The following NEO1 variants were observed in gnomAD, a reference collection of about 807,000 sequenced individuals.
NEO1 encodes the protein neogenin.
In NEO1, 63 loss-of-function variants were observed where a neutral mutation model predicts 159.7. That is an observed-to-expected ratio of 0.39 (90% CI 0.32 to 0.49). NEO1 has a LOEUF of 0.49. Among genes scored for constraint, NEO1 ranks in the 20% least tolerant of loss-of-function variants. The pLI, the probability that NEO1 is intolerant of heterozygous loss-of-function variation, is 0.85. For synonymous variants in NEO1, 633 were observed against 662.0 expected, an observed-to-expected ratio of 0.96 and a Z score of 0.67; for missense variants, 1,615 against 1,831.0, an observed-to-expected ratio of 0.88 and a Z score of 2.15.
At chr15:73,228,236 A>T (rs552587726) in intron 7 of NEO1, among the ~76,000 whole-genome samples, 31 of 152,250 alleles carry the variant, frequency 2.0e-4, no homozygotes, top group African/African-American at 7.2e-4. Flanking sequence ...CATGTAGTAA[A>T]AACCTTTGTT....
rs369119920 is a variant in NEO1 at position 73,278,212 on chromosome 15, C to T, written c.3262+13C>T. 39 of 1,608,274 alleles carry T rather than the reference C, an allele frequency of 2.4e-5. No individual in the cohort carries two copies. The highest frequency in any genetic ancestry group is 3.2e-5 in the Non-Finnish European group (38 of 1,176,182). On this transcript the variant is annotated intron_variant, in intron 22 of 28. Transcript: ENST00000261908. Reference sequence around the variant, plus strand: ...CCTCCAATGAGCGGTAAAGCCTTTCCCATGGCGTTTTTTGCTTACTATGGA... The same window carrying T: ...CCTCCAATGAGCGGTAAAGCCTTTCTCATGGCGTTTTTTGCTTACTATGGA...
intron 11 of NEO1, 70 bp downstream of exon 11, chr15:73,249,791 A>G: frequency 6.8e-7 from 1 of 1,480,248 alleles, no homozygotes; most frequent in African/African-American, 1.4e-5. Flanking sequence ...TAAGATCATG[A>G]GCTTTGATGT....
At chr15:73,200,992 C>G (rs2036850344) in intron 7 of NEO1, among the ~76,000 whole-genome samples, 1 of 152,028 alleles carries the variant, frequency 6.6e-6, no homozygotes, top group African/African-American at 2.4e-5. Flanking sequence ...TTCCTTTATC[C>G]TTTTAATGCC....
rs2042718316 is a variant in NEO1, at chr15:73,304,500, T to G, written c.*1804T>G. 1 of 152,206 alleles carries G rather than the reference T, an allele frequency of 6.6e-6. No individual in the cohort carries two copies. Among genetic ancestry groups the G allele is most frequent in the Non-Finnish European group, 1.5e-5 (1 of 68,048 alleles). The allele number at this position is 152,206 out of a possible 1,614,324, so 9.4% of individuals were successfully genotyped here. On this transcript the variant is annotated 3_prime_UTR_variant, in exon 29 of 29. Transcript: ENST00000261908. The stretch of plus-strand genomic sequence containing the variant: ...GCCATGTTTGATCTTGTCACATACT[T>G]GCTTTTTTACAAGATGAACTCTTTG...
chr15:73,262,997 A>G (rs2040695785), intron 15 of NEO1, among the ~76,000 whole-genome samples: 1 of 152,152 alleles, frequency 6.6e-6, no homozygotes, highest in African/African-American at 2.4e-5. Flanking sequence ...TGACAAAGCA[A>G]GATCAGTGGT....
chr15:73,262,609 T>C (rs2040671471), intron 15 of NEO1, among the ~76,000 whole-genome samples: 2 of 152,266 alleles, frequency 1.3e-5, no homozygotes, highest in South Asian at 4.1e-4. Context: ...CAATAACAAA[T>C]ATCAACAAGG....
intron 7 of NEO1, among the ~76,000 whole-genome samples, chr15:73,178,715 A>G (rs2035422470): frequency 6.6e-6 from 1 of 152,208 alleles, no homozygotes; most frequent in Non-Finnish European, 1.5e-5. Flanking sequence ...TCACAAATAT[A>G]TTTCTGTCCT....
At chr15:73,236,821 T>G (rs373260282) in intron 8 of NEO1, among the ~76,000 whole-genome samples, 4 of 152,210 alleles carry the variant, frequency 2.6e-5, no homozygotes, top group East Asian at 3.8e-4. Context: ...TAGACTTAAT[T>G]TATTAAAGTA....
intron 1 of NEO1, among the ~76,000 whole-genome samples, chr15:73,071,432 A>G (rs1199438600): frequency 6.6e-6 from 1 of 152,240 alleles, no homozygotes; most frequent in East Asian, 1.9e-4. Flanking sequence ...ATTTAAAAGA[A>G]ACAGTGTTTG....
rs776129926 is a variant in NEO1, at chr15:73,283,119, G to A, written c.3410+8G>A. The A allele has an allele frequency of 1.2e-5, 20 of 1,613,798 alleles. No individual in the cohort carries two copies. The highest frequency in any genetic ancestry group is 1.6e-5 in the Non-Finnish European group (19 of 1,179,942). ...CACCTCTCACCAGAAAAAGTAAGAA[G>A]CCCCAGATGCACCCCTTAGATTTTT... On this transcript the variant is annotated splice_region_variant and intron_variant, in intron 23 of 28. Coordinates refer to ENST00000261908, the MANE Select transcript of NEO1 (RefSeq NM_002499.4).
chr15:73,298,976 A>C (rs2042492057), intron 27 of NEO1, among the ~76,000 whole-genome samples: 1 of 152,164 alleles, frequency 6.6e-6, no homozygotes, highest in East Asian at 1.9e-4. Flanking sequence ...AAACTAGAGA[A>C]GGGATCAGGG....
rs751333671 is a variant in NEO1, at chr15:73,178,288, T to G, written c.1171-19T>G. ...TATCAATTAAATTATGTAATTTTAT[T>G]TATGCTTTTCTTCTTCAGAAGGAAC... On this transcript the variant is annotated intron_variant, in intron 6 of 28. Transcript: ENST00000261908. The G allele has an allele frequency of 2.5e-6, 4 of 1,605,294 alleles. No individual in the cohort carries two copies. The highest frequency in any genetic ancestry group is 3.4e-6 in the Non-Finnish European group (4 of 1,174,470).
At chr15:73,190,901 A>AT (rs959060685) in intron 7 of NEO1, among the ~76,000 whole-genome samples, 2 of 151,972 alleles carry the variant, frequency 1.3e-5, no homozygotes, top group East Asian at 1.9e-4. Flanking sequence ...TAATTCTGTG[A>AT]TTTTTTATTT....
chr15:73,280,122 G>A (rs2041622435), intron 22 of NEO1, among the ~76,000 whole-genome samples: 2 of 152,158 alleles, frequency 1.3e-5, no homozygotes, highest in South Asian at 4.1e-4. Flanking sequence ...GGCAAGAGGG[G>A]TTAGGGAGCT....
chr15:73,180,985 A>G (rs566571482), intron 7 of NEO1, among the ~76,000 whole-genome samples: 1 of 152,298 alleles, frequency 6.6e-6, no homozygotes, highest in Admixed American at 6.5e-5. Context: ...ATAATAAGGG[A>G]TGTAAGAGAT....
At chr15:73,274,882 T>G (rs2041335478) in intron 21 of NEO1, among the ~76,000 whole-genome samples, 158 bp downstream of exon 21, 1 of 152,118 alleles carries the variant, frequency 6.6e-6, no homozygotes, top group East Asian at 1.9e-4. Flanking sequence ...GTCCATGTTC[T>G]GAAAAGCTGG....
intron 2 of NEO1, among the ~76,000 whole-genome samples, chr15:73,120,117 CAG>C (rs1467671547): frequency 2.0e-5 from 3 of 152,024 alleles, no homozygotes; most frequent in African/African-American, 7.2e-5. Context: ...GCATGGGTGA[CAG>C]AGTGAGACTC....
At chr15:73,287,885 A>C (rs905240503) in intron 23 of NEO1, among the ~76,000 whole-genome samples, 3 of 152,110 alleles carry the variant, frequency 2.0e-5, no homozygotes, top group Non-Finnish European at 4.4e-5. Context: ...TCTCAAAAAA[A>C]AAAAACAAAA....
chr15:73,173,821 C>T (rs543921680), intron 5 of NEO1, among the ~76,000 whole-genome samples: 2 of 152,072 alleles, frequency 1.3e-5, no homozygotes, highest in East Asian at 1.9e-4. Context: ...TATTAATGGC[C>T]GGTCGCGGTG....
Sources: allele counts gnomAD v4.1 joint callset (sites outside exome capture counted in the v4.1 genomes callset), GRCh38; gene constraint gnomAD v4.1.1; transcripts MANE v1.5; gene names NCBI Gene and HGNC (gene_info 2026-07-23, HGNC 2026-07-21).